The following PGM2L1 variants were observed in gnomAD, a reference collection of about 807,000 sequenced individuals.
The protein encoded by PGM2L1 is glucose 1,6-bisphosphate synthase.
PGM2L1 carries 35 observed loss-of-function variants against 73.4 expected under a neutral mutation model. The observed-to-expected ratio is 0.48, with a 90% CI of 0.36 to 0.63. PGM2L1 has a LOEUF of 0.63. Among genes scored for constraint, PGM2L1 ranks in the 30% least tolerant of loss-of-function variants. The pLI is 0.00. For missense variants in PGM2L1, 570 were observed against 742.0 expected (o/e 0.77, Z 2.69); for synonymous variants, 225 against 253.8 (o/e 0.89, Z 1.08).
chr11:74,347,105 T>C (rs1418439354), intron 7 of PGM2L1, 43 bp downstream of exon 7: 1 of 1,372,992 alleles, frequency 7.3e-7, no homozygotes, highest in East Asian at 2.5e-5. Context: ...TCTATTCTGA[T>C]GGTTTAATAA....
At chr11:74,344,420 T>C (rs1381676946) in intron 9 of PGM2L1, among the ~76,000 whole-genome samples, 1 of 152,134 alleles carries the variant, frequency 6.6e-6, no homozygotes, top group African/African-American at 2.4e-5. Flanking sequence ...TAACTACTTC[T>C]TTAAATAATT....
chr11:74,390,902 T>G (rs1863092051), intron 1 of PGM2L1, among the ~76,000 whole-genome samples: 1 of 152,166 alleles, frequency 6.6e-6, no homozygotes, highest in African/African-American at 2.4e-5. Flanking sequence ...CCTAGATTAG[T>G]CAAATTCATA....
chr11:74,359,408 A>G (rs1273285084), intron 5 of PGM2L1, among the ~76,000 whole-genome samples: 4 of 152,102 alleles, frequency 2.6e-5, no homozygotes, highest in Admixed American at 2.0e-4. Flanking sequence ...AAAAAATACA[A>G]TGTCACAAAT....
chr11:74,368,367 GT>G, intron 5 of PGM2L1, 124 bp downstream of exon 5: 4 of 731,728 alleles, frequency 5.5e-6, no homozygotes, highest in Non-Finnish European at 9.1e-6. Context: ...CAGCCTCAGT[GT>G]TTTTAACTTT....
chr11:74,396,711 G>T (rs1437262960), intron 1 of PGM2L1, among the ~76,000 whole-genome samples: 1 of 152,218 alleles, frequency 6.6e-6, no homozygotes, highest in Non-Finnish European at 1.5e-5. Context: ...ACGGCGCCCG[G>T]CCGGAAATTC....
At chr11:74,392,926 C>T (rs926782451) in intron 1 of PGM2L1, among the ~76,000 whole-genome samples, 1 of 152,178 alleles carries the variant, frequency 6.6e-6, no homozygotes, top group Non-Finnish European at 1.5e-5. Flanking sequence ...ATGGAGTCTA[C>T]CCTAGTGATA....
intron 1 of PGM2L1, among the ~76,000 whole-genome samples, chr11:74,388,120 A>G (rs1238710199): frequency 4.6e-5 from 7 of 152,224 alleles, no homozygotes; most frequent in Non-Finnish European, 1.0e-4. Context: ...CATAGAATTA[A>G]AGAGTGGAAT....
intron 4 of PGM2L1, among the ~76,000 whole-genome samples, chr11:74,369,484 G>A (rs915156148): frequency 9.9e-5 from 15 of 152,146 alleles, no homozygotes; most frequent in African/African-American, 3.6e-4. Flanking sequence ...GGAACACATG[G>A]ATTAAACGAG....
chr11:74,374,275 G>A (rs548147619), intron 2 of PGM2L1, 140 bp downstream of exon 2: 117 of 601,240 alleles, frequency 1.9e-4, no homozygotes, highest in Non-Finnish European at 2.6e-4. Context: ...GTAGAGACGG[G>A]GTTTCACCAT....
At chr11:74,394,224 C>T (rs1298178050) in intron 1 of PGM2L1, among the ~76,000 whole-genome samples, 1 of 152,162 alleles carries the variant, frequency 6.6e-6, no homozygotes. Context: ...CACCAAAAAT[C>T]TTCTTTTGAC....
At chr11:74,394,482 C>T (rs143131471) in intron 1 of PGM2L1, among the ~76,000 whole-genome samples, 94 of 152,222 alleles carry the variant, frequency 6.2e-4, no homozygotes, top group African/African-American at 1.9e-3. Flanking sequence ...ATGGAGTACC[C>T]CAAACTGCCC....
intron 1 of PGM2L1, among the ~76,000 whole-genome samples, chr11:74,379,852 G>C (rs1028938749): frequency 1.3e-5 from 2 of 152,042 alleles, no homozygotes; most frequent in African/African-American, 4.8e-5. Context: ...TTGAATGTGG[G>C]AGGCGGAGGT....
intron 5 of PGM2L1, among the ~76,000 whole-genome samples, chr11:74,357,157 C>T (rs1862471405): frequency 6.6e-6 from 1 of 152,056 alleles, no homozygotes; most frequent in African/African-American, 2.4e-5. Context: ...CCGGCAATAA[C>T]TTCTTAGGTA....
rs1206615715 is a variant in PGM2L1, at chr11:74,398,252, G to A, written c.-91C>T. 2.0e-5 allele frequency: 30 copies of A among 1,473,908 alleles called. No homozygotes were observed. The highest frequency in any genetic ancestry group is 2.3e-5 in the Admixed American group (1 of 43,362). 91.3% of individuals were successfully genotyped at this position (1,473,908 alleles called of 1,614,324 possible). On this transcript the variant is annotated 5_prime_UTR_variant, in exon 1 of 14. In the 5' UTR this introduces an upstream ATG that the reference lacks. Coordinates refer to ENST00000298198, the MANE Select transcript of PGM2L1 (RefSeq NM_173582.6). ...GGGGTTCGCTCACCAGGGTCCAGGC[G>A]TCCCCACCTCACTGAAGGGCATCGG...
chr11:74,398,004 CTG>C (rs748531535), intron 1 of PGM2L1, 45 bp downstream of exon 1: 4 of 1,548,676 alleles, frequency 2.6e-6, no homozygotes, highest in Non-Finnish European at 3.5e-6. Flanking sequence ...AAAGAGCAGA[CTG>C]TGTGGGGGAG....
rs1324579096 is a variant in PGM2L1, at chr11:74,346,904, C to T, written c.940-75G>A. The T allele has an allele frequency of 5.8e-6, 7 of 1,209,942 alleles. 1 individual carries two copies. The African/African-American group carries it at 1.1e-4, about 18-fold the overall frequency. The allele number at this position is 1,209,942 out of a possible 1,614,324, so 75.0% of individuals were successfully genotyped here. ...ATGTTAACGTTCCTGTATGTAGGCA[C>T]AATGTTAGTGATAGGAATTTTAGAA... On this transcript the variant is annotated intron_variant, in intron 7 of 13. Transcript: ENST00000298198.
At chr11:74,384,671 G>A (rs1437260543) in intron 1 of PGM2L1, among the ~76,000 whole-genome samples, 2 of 152,036 alleles carry the variant, frequency 1.3e-5, no homozygotes, top group African/African-American at 4.8e-5. Context: ...TGTTGTTGTT[G>A]TTTGTTTGTT....
rs557442630 is a variant in PGM2L1 at position 74,370,888 on chromosome 11, C to A, written c.471+14G>T. 6.3e-7 allele frequency: 1 copy of A among 1,588,484 alleles called. No homozygotes were observed. Among genetic ancestry groups the A allele is most frequent in the Admixed American group, 1.7e-5 (1 of 59,294 alleles). On this transcript the variant is annotated intron_variant, in intron 4 of 13. Coordinates refer to ENST00000298198, the MANE Select transcript of PGM2L1 (RefSeq NM_173582.6). Reference sequence around the variant, plus strand: ...GAGCAGCAAGCTATATGATCACCAACACAACACACTTACTACAAAAGGTGT... The same window carrying A: ...GAGCAGCAAGCTATATGATCACCAAAACAACACACTTACTACAAAAGGTGT...
At position 74,398,072 on chromosome 11, in the gene PGM2L1, C is replaced by A. The variant is rs1244291606; in HGVS notation, c.90G>T (p.Gly30=). 6.2e-7 allele frequency: 1 copy of A among 1,611,318 alleles called. No homozygotes were observed. The highest frequency in any genetic ancestry group is 2.2e-5 in the East Asian group (1 of 44,756). ...CCACCTTATCCCAGCGGAGCCACTG[C>A]CCGATGGCCGTGTCCAGCTGAGGGT... ...TGDPQLDTAI[G]QWLRWDKNPK... Residue 30 remains glycine, a synonymous_variant, in exon 1 of 14, where the codon GGG becomes GGT. Transcript: ENST00000298198.
Sources: gnomAD v4.1 joint callset for allele counts (sites outside exome capture counted in the v4.1 genomes callset) on GRCh38, gnomAD v4.1.1 for gene constraint, MANE v1.5 for transcripts, NCBI Gene and HGNC (gene_info 2026-07-23, HGNC 2026-07-21) for gene names.